BMAL2: variants seen among roughly 807,000 people sequenced by gnomAD.
The protein encoded by BMAL2 is basic helix-loop-helix ARNT like 2.
chr12:27,332,868 C>G, the BMAL2 span: 1 of 198,108 alleles, frequency 5.0e-6, no homozygotes, highest in Non-Finnish European at 9.7e-6. Context: ...AGTCCGCATG[C>G]TCAGTAGCTG....
At chr12:27,417,368 A>T in the BMAL2 span, among the ~76,000 whole-genome samples, 1 of 152,324 alleles carries the variant, frequency 6.6e-6, no homozygotes, top group Non-Finnish European at 1.5e-5. Context: ...AACAGAAATA[A>T]ACTTTGACCC....
the BMAL2 span, among the ~76,000 whole-genome samples, chr12:27,347,174 A>T: frequency 2.6e-5 from 4 of 152,230 alleles, no homozygotes; most frequent in African/African-American, 9.6e-5. Flanking sequence ...GACTAAGTGT[A>T]GCTTAGTGCA....
the BMAL2 span, chr12:27,390,390 C>A: frequency 1.2e-6 from 1 of 817,376 alleles, no homozygotes; most frequent in Non-Finnish European, 1.9e-6. Context: ...ACCAAAATTA[C>A]TTACATTTGT....
the BMAL2 span, among the ~76,000 whole-genome samples, chr12:27,406,457 G>T: frequency 4.6e-5 from 7 of 152,150 alleles, no homozygotes; most frequent in Non-Finnish European, 5.9e-5. Context: ...TTAAAGAAAA[G>T]AATTTTCAAC....
chr12:27,373,197 A>G, the BMAL2 span, among the ~76,000 whole-genome samples: 1 of 152,152 alleles, frequency 6.6e-6, no homozygotes, highest in Non-Finnish European at 1.5e-5. Flanking sequence ...AGGGAAAGGA[A>G]GGGACATATG....
the BMAL2 span, among the ~76,000 whole-genome samples, chr12:27,390,827 CTAAGAGCA>C: frequency 6.6e-6 from 1 of 151,944 alleles, no homozygotes; most frequent in African/African-American, 2.4e-5. Context: ...ACTTTTTTGC[CTAAGAGCA>C]TATTAAGCTA....
At chr12:27,382,729 C>T in the BMAL2 span, among the ~76,000 whole-genome samples, 1 of 152,182 alleles carries the variant, frequency 6.6e-6, no homozygotes, top group Non-Finnish European at 1.5e-5. Context: ...CAACAGAGGG[C>T]TGCCTGTGGA....
the BMAL2 span, chr12:27,394,698 T>C: frequency 2.0e-5 from 3 of 152,190 alleles, no homozygotes; most frequent in Admixed American, 2.0e-4. Context: ...GACTGAATTG[T>C]CCCCCCAGAA....
At chr12:27,339,710 C>T in the BMAL2 span, among the ~76,000 whole-genome samples, 7 of 151,840 alleles carry the variant, frequency 4.6e-5, no homozygotes, top group Admixed American at 2.6e-4. Flanking sequence ...CTGCAAGCTC[C>T]GCCTCCCGGG....
the BMAL2 span, among the ~76,000 whole-genome samples, chr12:27,418,401 A>T: frequency 6.7e-6 from 1 of 149,990 alleles, no homozygotes; most frequent in Non-Finnish European, 1.5e-5. Context: ...AGAAGTTCAA[A>T]CCAGCCTGGC....
At chr12:27,422,656 T>C in the BMAL2 span, 3 of 152,332 alleles carry the variant, frequency 2.0e-5, no homozygotes, top group East Asian at 5.8e-4. Context: ...GGAGAATTGG[T>C]GTGCAGCAGC....
the BMAL2 span, chr12:27,400,615 G>A: frequency 1.9e-6 from 3 of 1,613,856 alleles, no homozygotes; most frequent in Non-Finnish European, 2.5e-6. Flanking sequence ...GAAGAAGAAA[G>A]GAACAGTAAG....
At chr12:27,401,167 C>A in the BMAL2 span, 1 of 1,044,552 alleles carries the variant, frequency 9.6e-7, no homozygotes, top group Non-Finnish European at 1.5e-6. Context: ...CTGTGCACTT[C>A]TTTACGATCC....
the BMAL2 span, chr12:27,368,503 G>A: frequency 6.8e-7 from 1 of 1,461,194 alleles, no homozygotes; most frequent in Non-Finnish European, 9.4e-7. Context: ...TTATTTCCAA[G>A]TTCATGGTAA....
At chr12:27,345,731 G>A in the BMAL2 span, among the ~76,000 whole-genome samples, 29 of 152,024 alleles carry the variant, frequency 1.9e-4, no homozygotes, top group Admixed American at 4.6e-4. Context: ...TCCAACTCCT[G>A]GGCTCAAGCT....
At chr12:27,361,592 A>G in the BMAL2 span, among the ~76,000 whole-genome samples, 2 of 152,218 alleles carry the variant, frequency 1.3e-5, no homozygotes, top group African/African-American at 4.8e-5. Context: ...TTCCTAACAC[A>G]TGGTCTCATC....
the BMAL2 span, among the ~76,000 whole-genome samples, chr12:27,356,466 T>G: frequency 6.6e-6 from 1 of 152,142 alleles, no homozygotes; most frequent in Non-Finnish European, 1.5e-5. Flanking sequence ...CACATCAGTT[T>G]TACGCTGTGG....
At chr12:27,349,524 T>TA in the BMAL2 span, among the ~76,000 whole-genome samples, 1 of 152,192 alleles carries the variant, frequency 6.6e-6, no homozygotes. Context: ...TTCTGCCCCT[T>TA]AATTTGTCTC....
chr12:27,332,950 G>T, the BMAL2 span: 1 of 744,208 alleles, frequency 1.3e-6, no homozygotes, highest in East Asian at 5.2e-5. Flanking sequence ...GCGGCACCCG[G>T]CAGGGCCCGC....
Sources: gnomAD v4.1 joint callset for allele counts (sites outside exome capture counted in the v4.1 genomes callset) on GRCh38, gnomAD v4.1.1 for gene constraint, MANE v1.5 for transcripts, NCBI Gene and HGNC (gene_info 2026-07-23, HGNC 2026-07-21) for gene names.